The following FOXJ2 variants were observed in gnomAD, a reference collection of about 807,000 sequenced individuals.
The protein encoded by FOXJ2 is forkhead box J2, also known as forkhead box protein J2.
In FOXJ2, 18 loss-of-function variants were observed where a neutral mutation model predicts 68.4. The ratio of observed to expected loss-of-function variants is 0.26; its 90% CI spans 0.18 to 0.39. The LOEUF (loss-of-function observed/expected upper bound fraction) is 0.39, where lower values mean the gene tolerates loss of function less well. Ranked by LOEUF, FOXJ2 falls within the 10% of genes least tolerant of loss-of-function variation. The pLI is 1.00. For missense variants in FOXJ2, 670 were observed against 726.5 expected (o/e 0.92, Z 0.89); for synonymous variants, 274 against 263.2 (o/e 1.04, Z -0.40).
In FOXJ2 at chr12:8,033,033, C is replaced by T. The variant is rs1212365795; in HGVS notation, c.-815C>T. On this transcript the variant is annotated 5_prime_UTR_variant, in exon 1 of 11. Coordinates refer to ENST00000162391, the MANE Select transcript of FOXJ2 (RefSeq NM_018416.3). Reference sequence around the variant, plus strand: ...GAGCGGGGACGCGAGCAACCTCTCCCCCTGTTGGAGAGAAAAGACCCTTAC... The same window carrying T: ...GAGCGGGGACGCGAGCAACCTCTCCTCCTGTTGGAGAGAAAAGACCCTTAC... 2 of 395,606 alleles carry T rather than the reference C, an allele frequency of 5.1e-6. No individual in the cohort carries two copies. Among genetic ancestry groups the T allele is most frequent in the East Asian group, 3.6e-5 (1 of 27,908 alleles). 24.5% of individuals were successfully genotyped at this position (395,606 alleles called of 1,614,324 possible).
rs1299108749 is a variant in FOXJ2 at position 8,044,367 on chromosome 12, G to A, written c.618+276G>A. Among the ~76,000 whole-genome samples the A allele has an allele frequency of 2.6e-5, 4 of 152,240 alleles. No individual in the cohort carries two copies. In the South Asian group the frequency reaches 6.2e-4, roughly 24 times the overall value. ...AGGCAGGCGGATCACGTGAGTCCAC[G>A]AGCTTGAGACCCGCCTATCCAACAT... On this transcript the variant is annotated intron_variant, in intron 5 of 10. Transcript: ENST00000162391.
rs1017637241 is a variant in FOXJ2, at chr12:8,043,678, G to A, written c.409-23G>A. 4.3e-6 allele frequency: 7 copies of A among 1,613,546 alleles called. No individual in the cohort carries two copies. The African/African-American group carries it at 8.0e-5, about 18-fold the overall frequency. ...TCTGAATGTAACAATTTTGTTTTCT[G>A]TGGGAATGGGATCTCCTTCCAGGGT... is the stretch of plus-strand genomic sequence containing the variant. On this transcript the variant is annotated intron_variant, in intron 3 of 10. Coordinates refer to ENST00000162391, the MANE Select transcript of FOXJ2 (RefSeq NM_018416.3).
Position 8,038,094 on chromosome 12 carries a change from C to G in FOXJ2, c.-14-1725C>G, listed in dbSNP as rs11837794. 0.42 allele frequency among the ~76,000 whole-genome samples: 63,833 copies of G among 152,010 alleles called. 14,341 individuals are homozygous for G. Among genetic ancestry groups the G allele is most frequent in the African/African-American group, 0.57 (23,551 of 41,420 alleles). Reference sequence around the variant, plus strand: ...TTAGAGTTGCGTCTCTTGCTGCCCCCGCCCCTGAGGCACTAAGGTGTTTCC... The same window carrying G: ...TTAGAGTTGCGTCTCTTGCTGCCCCGGCCCCTGAGGCACTAAGGTGTTTCC... On this transcript the variant is annotated intron_variant, in intron 1 of 10. Coordinates refer to ENST00000162391, the MANE Select transcript of FOXJ2 (RefSeq NM_018416.3). The surrounding 1 kb of genome is among the most constrained non-coding windows in gnomAD (Gnocchi z 5.3).
chr12:8,034,789 C>T (rs191690636), intron 1 of FOXJ2, among the ~76,000 whole-genome samples: 3 of 152,328 alleles, frequency 2.0e-5, no homozygotes, highest in Admixed American at 1.3e-4. Context: ...CTGAGTCCCT[C>T]GAACCTTGTG....
chr12:8,046,875 T>C (rs1947043637), intron 6 of FOXJ2, among the ~76,000 whole-genome samples: 1 of 152,202 alleles, frequency 6.6e-6, no homozygotes, highest in Non-Finnish European at 1.5e-5. Flanking sequence ...CCTAGAGTAG[T>C]GTCCAAGACT....
At chr12:8,045,714 G>A (rs750974875) in intron 6 of FOXJ2, among the ~76,000 whole-genome samples, 28 of 151,818 alleles carry the variant, frequency 1.8e-4, no homozygotes, top group Non-Finnish European at 3.2e-4. Flanking sequence ...CTAGAGAGCA[G>A]TGTCGCGATC....
chr12:8,050,033 T>A (rs2121352411), intron 9 of FOXJ2: 1 of 185,434 alleles, frequency 5.4e-6, no homozygotes. Context: ...TGCAGTGGTG[T>A]GATCACGGCT....
chr12:8,050,295 T>C, intron 9 of FOXJ2: 1 of 1,271,446 alleles, frequency 7.9e-7, no homozygotes, highest in Non-Finnish European at 9.9e-7. Flanking sequence ...TATATTTTTC[T>C]TCCTTATATC....
At chr12:8,052,057 A>G (rs758585449) in intron 10 of FOXJ2, among the ~76,000 whole-genome samples, 13 of 151,968 alleles carry the variant, frequency 8.6e-5, no homozygotes, top group Non-Finnish European at 1.5e-4. Context: ...TAGTAGAGAC[A>G]GGGTTTCACC....
At position 8,040,583 on chromosome 12, in the gene FOXJ2, G is replaced by A. The variant is rs1218825694; in HGVS notation, c.333+418G>A. ...ATTACAGGTGCCCGCCACCGTGCCC[G>A]GCTGATTTTTTGTATTTTTAGTAGA... On this transcript the variant is annotated intron_variant, in intron 2 of 10. Coordinates refer to ENST00000162391, the MANE Select transcript of FOXJ2 (RefSeq NM_018416.3). The surrounding 1 kb of genome is among the most constrained non-coding windows in gnomAD (Gnocchi z 4.0). Among the ~76,000 whole-genome samples, 5 of 151,876 alleles carry A rather than the reference G, an allele frequency of 3.3e-5. No homozygotes were observed. The highest frequency in any genetic ancestry group is 2.1e-4 in the South Asian group (1 of 4,814).
At chr12:8,050,850 CCCCTT>C (rs763488449) in intron 10 of FOXJ2, among the ~76,000 whole-genome samples, 48 of 96,536 alleles carry the variant, frequency 5.0e-4, no homozygotes, top group African/African-American at 7.0e-4. Flanking sequence ...CCTTTCCCTT[CCCCTT>C]CCCTTCCCTT....
rs1946865017 is a variant in FOXJ2 at position 8,033,741 on chromosome 12, G to A, written c.-107G>A. The A allele has an allele frequency of 6.5e-6, 1 of 152,754 alleles. No homozygotes were observed. Among genetic ancestry groups the A allele is most frequent in the Non-Finnish European group, 1.5e-5 (1 of 68,156 alleles). The allele number at this position is 152,754 out of a possible 1,614,324, so 9.5% of individuals were successfully genotyped here. A position where few individuals can be genotyped will look rare whatever the true frequency, so the allele number is the denominator to read the frequency against. On this transcript the variant is annotated 5_prime_UTR_variant, in exon 1 of 11. Coordinates refer to ENST00000162391, the MANE Select transcript of FOXJ2 (RefSeq NM_018416.3). ...CCAGGAAGAGCCACTGAGGATGAGAGCCGTCACCTGCCTCTGAAGAGGGGA... is the reference window on the plus strand; with the variant it reads ...CCAGGAAGAGCCACTGAGGATGAGAACCGTCACCTGCCTCTGAAGAGGGGA...
intron 10 of FOXJ2, among the ~76,000 whole-genome samples, chr12:8,052,243 G>A (rs781202026): frequency 6.8e-6 from 1 of 147,584 alleles, no homozygotes; most frequent in Admixed American, 6.7e-5. Context: ...TTTTTTTTGA[G>A]ACGGAGTCTC....
At chr12:8,041,277 C>T (rs1946960298) in intron 2 of FOXJ2, among the ~76,000 whole-genome samples, 1 of 151,940 alleles carries the variant, frequency 6.6e-6, no homozygotes, top group Non-Finnish European at 1.5e-5. Flanking sequence ...TATCAGCTCA[C>T]CATAACCTCC....
chr12:8,046,340 C>T (rs1947036660), intron 6 of FOXJ2, among the ~76,000 whole-genome samples: 1 of 152,140 alleles, frequency 6.6e-6, no homozygotes, highest in African/African-American at 2.4e-5. Context: ...CCCCTGTGTT[C>T]CATCCCCCAA....
chr12:8,049,426 C>A lies in FOXJ2; in HGVS notation c.1392C>A (p.Ala464=), dbSNP rs767852735. The A allele has an allele frequency of 3.1e-6, 5 of 1,614,040 alleles. No individual in the cohort carries two copies. The African/African-American group carries it at 6.7e-5, about 22-fold the overall frequency. The change falls in exon 9 of 11, where the codon GCC becomes GCA. Residue 464 remains alanine, a synonymous_variant. Coordinates refer to ENST00000162391, the MANE Select transcript of FOXJ2 (RefSeq NM_018416.3). ...KNWTLDQHHI[A]NLCDSLNHFL... ...GGACCCTCGACCAGCATCACATTGC[C>A]AATCTGTGTGACTCCCTCAACCACT...
chr12:8,043,928 T>A (rs973891476), intron 4 of FOXJ2, 23 bp from the exon 5 acceptor site: 1 of 1,547,808 alleles, frequency 6.5e-7, no homozygotes, highest in African/African-American at 1.4e-5. Context: ...GCTTATAGAT[T>A]TCTTTTTTTT....
chr12:8,034,384 G>A (rs916714491), intron 1 of FOXJ2, among the ~76,000 whole-genome samples: 1 of 152,192 alleles, frequency 6.6e-6, no homozygotes, highest in East Asian at 1.9e-4. Flanking sequence ...TCCTATCTCA[G>A]ATACCAAGAG....
chr12:8,043,699 AG>A lies in FOXJ2; in HGVS notation c.410del. On this transcript the variant is annotated splice_acceptor_variant, in intron 3 of 10. Transcript: ENST00000162391. LOFTEE classifies it high-confidence loss of function. ...TTCTGTGGGAATGGGATCTCCTTCC[AG>A]GGTTCCTATTGGACAATTGACACCT... 6.2e-7 allele frequency: 1 copy of A among 1,614,208 alleles called. No homozygotes were observed. The highest frequency in any genetic ancestry group is 8.5e-7 in the Non-Finnish European group (1 of 1,180,022).
Sources: allele counts gnomAD v4.1 joint callset (sites outside exome capture counted in the v4.1 genomes callset), GRCh38; gene constraint gnomAD v4.1.1; non-coding constraint Gnocchi (gnomAD v3.1); transcripts MANE v1.5; gene names NCBI Gene and HGNC (gene_info 2026-07-23, HGNC 2026-07-21).